NRXN1: variants seen among roughly 807,000 people sequenced by gnomAD.
The protein encoded by NRXN1 is neurexin-1.
In NRXN1, 39 loss-of-function variants were observed where a neutral mutation model predicts 150.9. The ratio of observed to expected loss-of-function variants is 0.26; its 90% CI spans 0.20 to 0.34. The LOEUF (loss-of-function observed/expected upper bound fraction) is 0.34, where lower values mean the gene tolerates loss of function less well. NRXN1 is among the 10% of genes least tolerant of loss of function. NRXN1 has a pLI of 1.00. For synonymous variants in NRXN1, 924 were observed against 757.0 expected (o/e 1.22, Z -3.62); for missense variants, 1,815 against 1,949.9 (o/e 0.93, Z 1.30).
intron 18 of NRXN1, among the ~76,000 whole-genome samples, chr2:50,230,909 T>C (rs1045088695): frequency 4.6e-5 from 7 of 152,058 alleles, no homozygotes; most frequent in African/African-American, 1.7e-4. Flanking sequence ...AAAAATGACT[T>C]TTACACCTCA....
intron 17 of NRXN1, among the ~76,000 whole-genome samples, chr2:50,416,232 T>C (rs900182765): frequency 2.0e-5 from 3 of 152,028 alleles, no homozygotes; most frequent in Admixed American, 6.6e-5. Flanking sequence ...GTGGAAGTGA[T>C]TGTAAATGTT....
At chr2:50,555,212 G>T (rs764709305) in intron 8 of NRXN1, among the ~76,000 whole-genome samples, 1 of 152,052 alleles carries the variant, frequency 6.6e-6, no homozygotes, top group Non-Finnish European at 1.5e-5. Context: ...CCCAAATGAT[G>T]CTTCTCTTGA....
intron 17 of NRXN1, among the ~76,000 whole-genome samples, chr2:50,274,448 C>T (rs552123375): frequency 9.9e-5 from 15 of 152,034 alleles, no homozygotes; most frequent in African/African-American, 3.4e-4. Context: ...TAATGCATGC[C>T]GGGCTTAAAA....
At chr2:50,240,927 G>A (rs535618313) in intron 17 of NRXN1, among the ~76,000 whole-genome samples, 1 of 151,706 alleles carries the variant, frequency 6.6e-6, no homozygotes, top group Admixed American at 6.6e-5. Flanking sequence ...CTGTAACATT[G>A]TTTTATTTTA....
At chr2:50,868,154 T>C (rs1677217615) in intron 5 of NRXN1, among the ~76,000 whole-genome samples, 1 of 57,112 alleles carries the variant, frequency 1.8e-5, no homozygotes, top group Admixed American at 2.8e-4. Context: ...TATATATATA[T>C]ATATATATAT....
At chr2:50,408,081 A>G (rs573901626) in intron 17 of NRXN1, among the ~76,000 whole-genome samples, 1 of 152,246 alleles carries the variant, frequency 6.6e-6, no homozygotes, top group South Asian at 2.1e-4. Flanking sequence ...TATAGTATCT[A>G]TATGCCCATC....
intron 16 of NRXN1, 130 bp from the exon 17 acceptor site, chr2:50,465,691 G>C: frequency 1.2e-6 from 1 of 869,450 alleles, no homozygotes; most frequent in Non-Finnish European, 1.7e-6. Flanking sequence ...TAAAGTTCTA[G>C]TTCACACACC....
At chr2:49,989,724 C>T (rs780548097) in intron 21 of NRXN1, among the ~76,000 whole-genome samples, 6 of 152,088 alleles carry the variant, frequency 3.9e-5, no homozygotes, top group Non-Finnish European at 7.4e-5. Context: ...GATTGGATAG[C>T]TCAATAAATC....
chr2:50,724,424 T>C (rs1292450853), intron 5 of NRXN1, among the ~76,000 whole-genome samples: 2 of 152,282 alleles, frequency 1.3e-5, no homozygotes, highest in Non-Finnish European at 2.9e-5. Context: ...TATCAGAAAC[T>C]TAGATTTATT....
intron 5 of NRXN1, among the ~76,000 whole-genome samples, chr2:50,662,614 T>G (rs2104653556): frequency 6.6e-6 from 1 of 152,130 alleles, no homozygotes; most frequent in Non-Finnish European, 1.5e-5. Flanking sequence ...TTGCGATTTT[T>G]TTTGTTGTTG....
chr2:50,038,261 A>T (rs576865108), intron 21 of NRXN1, among the ~76,000 whole-genome samples: 1 of 152,286 alleles, frequency 6.6e-6, no homozygotes, highest in Admixed American at 6.5e-5. Flanking sequence ...TCCTGCCCCT[A>T]TGTAATGTCC....
intron 17 of NRXN1, among the ~76,000 whole-genome samples, chr2:50,260,462 G>C (rs142501780): frequency 8.9e-4 from 135 of 151,736 alleles, no homozygotes; most frequent in African/African-American, 3.0e-3. Flanking sequence ...GGGTTAAGAC[G>C]GAGACTCAAC....
intron 18 of NRXN1, among the ~76,000 whole-genome samples, chr2:50,225,659 G>A (rs1333513203): frequency 6.6e-6 from 1 of 151,922 alleles, no homozygotes; most frequent in Non-Finnish European, 1.5e-5. Flanking sequence ...AGGAATAAGA[G>A]GAAGTAGGAG....
intron 21 of NRXN1, among the ~76,000 whole-genome samples, chr2:50,048,540 C>A (rs1437268125): frequency 6.6e-6 from 1 of 152,118 alleles, no homozygotes; most frequent in Non-Finnish European, 1.5e-5. Flanking sequence ...ATTCTGCTTA[C>A]ATTTTTCAAA....
chr2:50,173,853 T>C (rs1044251296), intron 18 of NRXN1, among the ~76,000 whole-genome samples: 23 of 152,178 alleles, frequency 1.5e-4, no homozygotes, highest in Non-Finnish European at 5.9e-5. Context: ...TTCTTTGTGT[T>C]CCCTCTGTAC....
Position 50,551,089 on chromosome 2 carries a change from G to A in NRXN1, c.1759+1498C>T, listed in dbSNP as rs12052973. ...AAGAAGAAGAAGAGGAGGAGGAGGAGGAGGAGGAGGAGGAGGGAGGGGGAG... is the reference window on the plus strand; with the variant it reads ...AAGAAGAAGAAGAGGAGGAGGAGGAAGAGGAGGAGGAGGAGGGAGGGGGAG... On this transcript the variant is annotated intron_variant, in intron 9 of 22. Coordinates refer to ENST00000401669, the MANE Select transcript of NRXN1 (RefSeq NM_001330078.2). Among the ~76,000 whole-genome samples the A allele has an allele frequency of 3.8e-3, 447 of 117,308 alleles. 1 individual carries two copies. Among genetic ancestry groups the A allele is most frequent in the African/African-American group, 0.014 (386 of 27,170 alleles). The allele number at this position is 117,308 out of a possible 152,430, so 77.0% of individuals were successfully genotyped here.
At chr2:50,685,108 A>G (rs186934841) in intron 5 of NRXN1, among the ~76,000 whole-genome samples, 187 of 152,348 alleles carry the variant, frequency 1.2e-3, no homozygotes, top group Non-Finnish European at 1.5e-3. Context: ...CAGTTTATAT[A>G]CTAAAACTAC....
At chr2:50,320,311 T>C (rs2075936137) in intron 17 of NRXN1, among the ~76,000 whole-genome samples, 3 of 125,066 alleles carry the variant, frequency 2.4e-5, no homozygotes, top group South Asian at 5.0e-4. Flanking sequence ...TATATATATA[T>C]ATATATATAT....
chr2:50,150,999 G>C (rs1171366070), intron 18 of NRXN1, among the ~76,000 whole-genome samples: 3 of 151,696 alleles, frequency 2.0e-5, no homozygotes, highest in Non-Finnish European at 2.9e-5. Flanking sequence ...AAAAAACTCA[G>C]ATTTGTTTCC....
Sources: gnomAD v4.1 joint callset for allele counts (sites outside exome capture counted in the v4.1 genomes callset) on GRCh38, gnomAD v4.1.1 for gene constraint, MANE v1.5 for transcripts, NCBI Gene and HGNC (gene_info 2026-07-23, HGNC 2026-07-21) for gene names.